Variants in CAB39 observed in about 807,000 individuals in gnomAD.
The protein encoded by CAB39 is calcium binding protein 39, also known as calcium-binding protein 39.
Under a neutral mutation model 40.0 loss-of-function variants are expected in CAB39, and 8 were observed. That is an observed-to-expected ratio of 0.20 (90% CI 0.12 to 0.36). CAB39 has a LOEUF of 0.36. Ranked by LOEUF, CAB39 falls within the 10% of genes least tolerant of loss-of-function variation. The pLI is 1.00. For synonymous variants in CAB39, 156 were observed against 141.6 expected, an observed-to-expected ratio of 1.10 and a Z score of -0.72; for missense variants, 270 against 401.1, an observed-to-expected ratio of 0.67 and a Z score of 2.79.
At chr2:230,813,835 G>T (rs1259531406) in intron 6 of CAB39, 3 of 449,992 alleles carry the variant, frequency 6.7e-6, no homozygotes, top group African/African-American at 4.1e-5. Context: ...TCATGGAAGG[G>T]ATTGGTGGGA....
chr2:230,804,319 C>A lies in CAB39; in HGVS notation c.567+5422C>A, dbSNP rs1227148182. Among the ~76,000 whole-genome samples, 4 of 152,288 alleles carry A rather than the reference C, an allele frequency of 2.6e-5. No homozygotes were observed. In the East Asian group the frequency reaches 7.7e-4, roughly 29 times the overall value. ...ACCCTAGAAGACAACCTAGGCACTACCATTCAGGACATAGGCATGGGCAAG... is the reference window on the plus strand; with the variant it reads ...ACCCTAGAAGACAACCTAGGCACTAACATTCAGGACATAGGCATGGGCAAG... On this transcript the variant is annotated intron_variant, in intron 5 of 8. Coordinates refer to ENST00000258418, the MANE Select transcript of CAB39 (RefSeq NM_016289.4).
intron 1 of CAB39, among the ~76,000 whole-genome samples, chr2:230,718,465 A>G (rs1424657838): frequency 6.6e-6 from 1 of 152,108 alleles, no homozygotes; most frequent in East Asian, 1.9e-4. Flanking sequence ...GAATTTGGAG[A>G]GGTAGTGTTA....
At chr2:230,728,798 A>C (rs78885727) in intron 1 of CAB39, among the ~76,000 whole-genome samples, 5,086 of 152,160 alleles carry the variant, frequency 0.033, 274 homozygotes, top group African/African-American at 0.12. Flanking sequence ...TTTTTTGTGG[A>C]GACGGGATCT....
intron 1 of CAB39, among the ~76,000 whole-genome samples, chr2:230,715,029 C>G (rs978173970): frequency 3.9e-5 from 6 of 152,148 alleles, no homozygotes; most frequent in African/African-American, 1.2e-4. Flanking sequence ...ATAATCTTAC[C>G]ACTTAGATTT....
intron 1 of CAB39, among the ~76,000 whole-genome samples, chr2:230,736,018 A>G (rs1694783285): frequency 1.3e-5 from 2 of 152,200 alleles, no homozygotes; most frequent in African/African-American, 4.8e-5. Context: ...TATGCCGACC[A>G]TCTCTCATGT....
At chr2:230,779,364 T>C (rs1695649052) in intron 2 of CAB39, 1 of 152,198 alleles carries the variant, frequency 6.6e-6, no homozygotes, top group Non-Finnish European at 1.5e-5. Flanking sequence ...TCAGAAGCCA[T>C]AAGGAAACAG....
At chr2:230,789,726 C>G (rs1306730660) in intron 2 of CAB39, among the ~76,000 whole-genome samples, 1 of 152,220 alleles carries the variant, frequency 6.6e-6, no homozygotes, top group Admixed American at 6.5e-5. Flanking sequence ...GCTCTTTCCT[C>G]TCTGCCACTC....
intron 5 of CAB39, among the ~76,000 whole-genome samples, chr2:230,808,198 T>C (rs930653401): frequency 2.0e-5 from 3 of 152,144 alleles, no homozygotes; most frequent in Admixed American, 6.6e-5. Flanking sequence ...GCGATTCTCC[T>C]GCCTCAGCCT....
chr2:230,762,229 A>T (rs931792947), intron 2 of CAB39, among the ~76,000 whole-genome samples: 1 of 152,172 alleles, frequency 6.6e-6, no homozygotes, highest in Non-Finnish European at 1.5e-5. Context: ...TTGTAAACGC[A>T]GGATTCAAGT....
At chr2:230,746,917 T>G (rs1398542739) in intron 1 of CAB39, among the ~76,000 whole-genome samples, 2 of 152,236 alleles carry the variant, frequency 1.3e-5, no homozygotes, top group Non-Finnish European at 2.9e-5. Flanking sequence ...ACAACTTTGC[T>G]ATCAAGAGGC....
chr2:230,754,354 TCTTCTTCCGTCCC>T (rs1406154208), intron 1 of CAB39, among the ~76,000 whole-genome samples: 1 of 122,870 alleles, frequency 8.1e-6, no homozygotes, highest in East Asian at 2.1e-4. Flanking sequence ...TCTTCCTTCC[TCTTCTTCCGTCCC>T]CTTCTGCCTT....
At chr2:230,801,476 G>A (rs1016593338) in intron 5 of CAB39, among the ~76,000 whole-genome samples, 5 of 152,160 alleles carry the variant, frequency 3.3e-5, no homozygotes, top group African/African-American at 1.2e-4. Context: ...TTGAGAATGT[G>A]GCAAGAGCGC....
At chr2:230,818,079 G>C (rs955119884) in intron 8 of CAB39, 182 bp downstream of exon 8, 8 of 583,040 alleles carry the variant, frequency 1.4e-5, no homozygotes, top group Admixed American at 1.1e-4. Context: ...ACGGGTTACT[G>C]TTTGGATCTG....
At chr2:230,744,886 T>C (rs1575915698) in intron 1 of CAB39, among the ~76,000 whole-genome samples, 1 of 152,244 alleles carries the variant, frequency 6.6e-6, no homozygotes, top group Non-Finnish European at 1.5e-5. Context: ...CTTTGTAAAA[T>C]GACTTTTCTC....
chr2:230,738,246 C>G (rs1167961700), intron 1 of CAB39, among the ~76,000 whole-genome samples: 2 of 152,184 alleles, frequency 1.3e-5, no homozygotes, highest in Admixed American at 6.5e-5. Context: ...ATTCTAAGTC[C>G]TGAAACACCT....
intron 4 of CAB39, among the ~76,000 whole-genome samples, chr2:230,796,379 A>T (rs1200351317): frequency 6.6e-6 from 1 of 152,046 alleles, no homozygotes; most frequent in African/African-American, 2.4e-5. Flanking sequence ...ACATGTTAGT[A>T]TGCTGTTCAC....
chr2:230,761,472 G>A (rs931046356), intron 2 of CAB39, among the ~76,000 whole-genome samples: 1 of 152,040 alleles, frequency 6.6e-6, no homozygotes, highest in African/African-American at 2.4e-5. Context: ...TAACTAAGCA[G>A]CATAGTTGTT....
intron 7 of CAB39, among the ~76,000 whole-genome samples, chr2:230,814,570 T>C (rs1013627275): frequency 1.3e-5 from 2 of 152,154 alleles, no homozygotes; most frequent in African/African-American, 4.8e-5. Context: ...GAATGTTAAA[T>C]TTAAGATTTA....
chr2:230,717,700 G>A (rs1265681458), intron 1 of CAB39, among the ~76,000 whole-genome samples: 1 of 152,206 alleles, frequency 6.6e-6, no homozygotes, highest in Admixed American at 6.5e-5. Flanking sequence ...GATGAAATCA[G>A]GTTAACAGCT....
Sources: allele counts gnomAD v4.1 joint callset (sites outside exome capture counted in the v4.1 genomes callset), GRCh38; gene constraint gnomAD v4.1.1; transcripts MANE v1.5; gene names NCBI Gene and HGNC (gene_info 2026-07-23, HGNC 2026-07-21).